Variants in FHIT observed in about 807,000 individuals in gnomAD.
FHIT encodes the protein bis(5'-adenosyl)-triphosphatase.
In FHIT, 19 loss-of-function variants were observed where a neutral mutation model predicts 17.9. That is an observed-to-expected ratio of 1.06 (90% CI 0.74 to 1.56). The LOEUF is 1.56. FHIT is among the 40% of genes most tolerant of loss of function. The pLI is 0.00. For synonymous variants in FHIT, 81 were observed against 69.7 expected (o/e 1.16, Z -0.81); for missense variants, 248 against 189.2 (o/e 1.31, Z -1.82).
At chr3:60,706,870 T>C (rs1370854685) in intron 4 of FHIT, among the ~76,000 whole-genome samples, 1 of 152,232 alleles carries the variant, frequency 6.6e-6, no homozygotes, top group Non-Finnish European at 1.5e-5. Flanking sequence ...CATGAATTAG[T>C]GAAGCAACTT....
chr3:60,755,160 T>A (rs1298959157), intron 4 of FHIT, among the ~76,000 whole-genome samples: 1 of 152,112 alleles, frequency 6.6e-6, no homozygotes, highest in African/African-American at 2.4e-5. Flanking sequence ...AATACTCCAA[T>A]CTCCTCTCCC....
At chr3:60,320,160 G>T (rs539985504) in intron 5 of FHIT, among the ~76,000 whole-genome samples, 1 of 152,128 alleles carries the variant, frequency 6.6e-6, no homozygotes, top group African/African-American at 2.4e-5. Context: ...CAAGTACGTT[G>T]ACACTCTTAC....
At chr3:60,112,218 C>A (rs1394800940) in intron 5 of FHIT, among the ~76,000 whole-genome samples, 1 of 152,090 alleles carries the variant, frequency 6.6e-6, no homozygotes, top group African/African-American at 2.4e-5. Context: ...GCTGAAAGTA[C>A]AACTCTAGGT....
intron 5 of FHIT, among the ~76,000 whole-genome samples, chr3:60,320,975 T>A (rs777802704): frequency 6.6e-6 from 1 of 152,150 alleles, no homozygotes; most frequent in Admixed American, 6.5e-5. Context: ...GACATGGCCA[T>A]CATAATGGCA....
At chr3:61,034,154 T>C (rs1446700313) in intron 3 of FHIT, among the ~76,000 whole-genome samples, 1 of 152,174 alleles carries the variant, frequency 6.6e-6, no homozygotes, top group African/African-American at 2.4e-5. Context: ...TGCTAAACTG[T>C]AAAACTCTTT....
At chr3:61,052,436 G>T (rs1440126399) in intron 2 of FHIT, among the ~76,000 whole-genome samples, 2 of 152,156 alleles carry the variant, frequency 1.3e-5, no homozygotes, top group Non-Finnish European at 2.9e-5. Context: ...GGTGCTTGCG[G>T]CTTGTGTTTT....
chr3:61,236,250 AATATAT>A (rs1275299571), intron 1 of FHIT, among the ~76,000 whole-genome samples: 1 of 148,050 alleles, frequency 6.8e-6, no homozygotes, highest in Non-Finnish European at 1.5e-5. Context: ...TATAAATATA[AATATAT>A]ATTATTGTTA....
intron 5 of FHIT, among the ~76,000 whole-genome samples, chr3:60,243,648 A>C (rs1037991208): frequency 2.6e-5 from 4 of 152,262 alleles, no homozygotes; most frequent in African/African-American, 7.2e-5. Flanking sequence ...AACAGCAGAA[A>C]CTATTATCTT....
intron 4 of FHIT, among the ~76,000 whole-genome samples, chr3:60,564,417 C>A (rs1000830506): frequency 1.3e-5 from 2 of 152,162 alleles, no homozygotes; most frequent in African/African-American, 4.8e-5. Flanking sequence ...GGAATTCTGA[C>A]TTTCAAGTCT....
chr3:59,894,581 C>T (rs931089272), intron 8 of FHIT, among the ~76,000 whole-genome samples: 5 of 152,148 alleles, frequency 3.3e-5, no homozygotes, highest in Non-Finnish European at 5.9e-5. Context: ...CAAATCTACA[C>T]AGTTCTTTAT....
At chr3:59,959,091 G>C (rs1362706750) in intron 7 of FHIT, among the ~76,000 whole-genome samples, 1 of 152,156 alleles carries the variant, frequency 6.6e-6, no homozygotes, top group African/African-American at 2.4e-5. Context: ...AGACAGATGA[G>C]GTACCAGGAG....
intron 3 of FHIT, among the ~76,000 whole-genome samples, chr3:60,965,996 G>C (rs1709719825): frequency 1.3e-5 from 2 of 152,214 alleles, no homozygotes; most frequent in Admixed American, 1.3e-4. Flanking sequence ...GTCTGCAGAA[G>C]TTTCTGCTGC....
intron 2 of FHIT, among the ~76,000 whole-genome samples, chr3:61,148,496 T>C (rs972444874): frequency 6.6e-6 from 1 of 152,208 alleles, no homozygotes; most frequent in Non-Finnish European, 1.5e-5. Flanking sequence ...GGCAACATAA[T>C]GCTTTCAAGA....
At chr3:60,871,854 G>A (rs1483106892) in intron 3 of FHIT, among the ~76,000 whole-genome samples, 1 of 151,766 alleles carries the variant, frequency 6.6e-6, no homozygotes, top group Non-Finnish European at 1.5e-5. Context: ...GTAGAGACGA[G>A]GTCTTGCTTT....
intron 5 of FHIT, among the ~76,000 whole-genome samples, chr3:60,081,001 T>G (rs931370613): frequency 7.9e-5 from 12 of 152,096 alleles, no homozygotes; most frequent in African/African-American, 2.9e-4. Flanking sequence ...GGCATCTATC[T>G]CTATCAAGGT....
At chr3:60,264,261 G>C (rs1393466648) in intron 5 of FHIT, among the ~76,000 whole-genome samples, 1 of 151,974 alleles carries the variant, frequency 6.6e-6, no homozygotes, top group African/African-American at 2.4e-5. Flanking sequence ...CTCAAGTATA[G>C]ACATGATAAA....
rs113214800 is a variant in FHIT, at chr3:60,541,484, C to T, written c.-17-4505G>A. On this transcript the variant is annotated intron_variant, in intron 4 of 9. Coordinates refer to ENST00000492590, the MANE Select transcript of FHIT (RefSeq NM_002012.4). ...TTTAGTAACACCCCACCATATTCTACATGTGGGGCTATTCGTACTACCTGG... is the reference window on the plus strand; with the variant it reads ...TTTAGTAACACCCCACCATATTCTATATGTGGGGCTATTCGTACTACCTGG... 2.0e-3 allele frequency among the ~76,000 whole-genome samples: 304 copies of T among 152,234 alleles called. 1 individual carries two copies. The highest frequency in any genetic ancestry group is 6.5e-3 in the African/African-American group (271 of 41,530).
intron 5 of FHIT, among the ~76,000 whole-genome samples, chr3:60,417,758 G>C (rs1702305338): frequency 6.6e-6 from 1 of 152,126 alleles, no homozygotes; most frequent in Non-Finnish European, 1.5e-5. Context: ...CAAATACCCT[G>C]TCTCAGTTCA....
At chr3:60,949,596 G>T (rs782221343) in intron 3 of FHIT, among the ~76,000 whole-genome samples, 13 of 152,062 alleles carry the variant, frequency 8.5e-5, no homozygotes, top group Admixed American at 2.0e-4. Context: ...CTATCCTGTC[G>T]CTGAATTTAC....
Sources: gnomAD v4.1 joint callset for allele counts (sites outside exome capture counted in the v4.1 genomes callset) on GRCh38, gnomAD v4.1.1 for gene constraint, MANE v1.5 for transcripts, NCBI Gene and HGNC (gene_info 2026-07-23, HGNC 2026-07-21) for gene names.